The following INSR variants were observed in gnomAD, a reference collection of about 807,000 sequenced individuals.
INSR encodes the protein insulin receptor, also known as IR.
INSR carries 67 observed loss-of-function variants against 142.6 expected under a neutral mutation model. The ratio of observed to expected loss-of-function variants is 0.47; its 90% CI spans 0.39 to 0.58. INSR has a LOEUF of 0.58. Ranked by LOEUF, INSR falls within the 20% of genes least tolerant of loss-of-function variation. The pLI is 0.00. For synonymous variants in INSR, 756 were observed against 743.1 expected, an observed-to-expected ratio of 1.02 and a Z score of -0.28; for missense variants, 1,248 against 1,833.2, an observed-to-expected ratio of 0.68 and a Z score of 5.83.
At chr19:7,165,333 C>T (rs1973865908) in intron 8 of INSR, among the ~76,000 whole-genome samples, 2 of 151,680 alleles carry the variant, frequency 1.3e-5, no homozygotes, top group African/African-American at 4.8e-5. Context: ...TACTCCAGGC[C>T]AAAACAAACA....
chr19:7,259,751 G>A (rs563749531), intron 2 of INSR, among the ~76,000 whole-genome samples: 20 of 151,974 alleles, frequency 1.3e-4, no homozygotes, highest in South Asian at 4.2e-4. Flanking sequence ...CCCAGGAGGC[G>A]GAGGTTGCAG....
intron 2 of INSR, among the ~76,000 whole-genome samples, chr19:7,210,535 G>T (rs1389817556): frequency 6.6e-6 from 1 of 152,014 alleles, no homozygotes; most frequent in Non-Finnish European, 1.5e-5. Context: ...TGCGACTCCT[G>T]GAGGGGAACC....
At chr19:7,268,042 C>T (rs1600112236) in intron 1 of INSR, 146 bp from the exon 2 acceptor site, 3 of 720,094 alleles carry the variant, frequency 4.2e-6, no homozygotes, top group East Asian at 2.7e-5. Flanking sequence ...TGCAGCCAGC[C>T]GGGATGAGTA....
At chr19:7,178,297 C>G (rs1974191902) in intron 3 of INSR, among the ~76,000 whole-genome samples, 1 of 148,694 alleles carries the variant, frequency 6.7e-6, no homozygotes, top group Admixed American at 6.8e-5. Flanking sequence ...CCAGAAAGAA[C>G]AACCCTGTGA....
At chr19:7,279,901 G>A (rs1381735568) in intron 1 of INSR, among the ~76,000 whole-genome samples, 4 of 151,810 alleles carry the variant, frequency 2.6e-5, no homozygotes. Context: ...CTGGGAGGTG[G>A]AGATTGCGGA....
intron 2 of INSR, among the ~76,000 whole-genome samples, chr19:7,219,426 T>C (rs1022455486): frequency 3.9e-5 from 5 of 129,754 alleles, no homozygotes; most frequent in East Asian, 2.2e-4. Flanking sequence ...TTTGTGAGAA[T>C]AGAAAGCTCA....
At chr19:7,255,885 T>A (rs1188060266) in intron 2 of INSR, among the ~76,000 whole-genome samples, 4 of 152,070 alleles carry the variant, frequency 2.6e-5, no homozygotes, top group Non-Finnish European at 4.4e-5. Context: ...AACCTCATCT[T>A]CTTTCTTTGT....
intron 2 of INSR, among the ~76,000 whole-genome samples, chr19:7,224,139 T>TC (rs1438802437): frequency 6.6e-6 from 1 of 151,922 alleles, no homozygotes; most frequent in African/African-American, 2.4e-5. Context: ...AGACGGGGTT[T>TC]CACCACGTTG....
chr19:7,270,104 C>T (rs188267417), intron 1 of INSR, among the ~76,000 whole-genome samples: 1 of 152,064 alleles, frequency 6.6e-6, no homozygotes, highest in Non-Finnish European at 1.5e-5. Flanking sequence ...TGTCCAACAC[C>T]ACGCCCAGCT....
At chr19:7,219,461 A>C (rs1975531276) in intron 2 of INSR, among the ~76,000 whole-genome samples, 1 of 81,986 alleles carries the variant, frequency 1.2e-5, no homozygotes, top group South Asian at 3.7e-4. Flanking sequence ...AAGAAGAGAG[A>C]GAGAGAGAGA....
intron 2 of INSR, among the ~76,000 whole-genome samples, chr19:7,243,234 GTTTTTTTTTTTTTTT>G (rs1161289283): frequency 2.9e-5 from 2 of 68,178 alleles, no homozygotes; most frequent in Non-Finnish European, 2.5e-5. Context: ...CACTGTTTTG[GTTTTTTTTTTTTTTT>G]TTTTTTTTTT....
chr19:7,244,562 GA>G (rs1248716894), intron 2 of INSR, among the ~76,000 whole-genome samples: 1 of 145,498 alleles, frequency 6.9e-6, no homozygotes, highest in Non-Finnish European at 1.5e-5. Context: ...TGAGCAAATG[GA>G]AAAGGAGATC....
At chr19:7,161,665 T>A (rs865903155) in intron 9 of INSR, among the ~76,000 whole-genome samples, 1 of 152,178 alleles carries the variant, frequency 6.6e-6, no homozygotes, top group Non-Finnish European at 1.5e-5. Flanking sequence ...ACTTTGTCAA[T>A]AACCATTAGT....
intron 2 of INSR, among the ~76,000 whole-genome samples, chr19:7,202,988 G>GTT (rs1385976583): frequency 1.8e-5 from 2 of 108,280 alleles, no homozygotes; most frequent in African/African-American, 3.9e-5. Flanking sequence ...TTGGGGTGGG[G>GTT]TTTTGTTGTT....
chr19:7,214,302 C>G (rs543540563), intron 2 of INSR, among the ~76,000 whole-genome samples: 3 of 152,160 alleles, frequency 2.0e-5, no homozygotes, highest in South Asian at 2.1e-4. Context: ...CTTATTCCCC[C>G]CTGTGCTGGC....
rs750676016 is a variant in INSR, at chr19:7,170,587, C to A, written c.1433G>T (p.Arg478Leu). Residue 478 changes from arginine (R) to leucine (L), a missense_variant, in exon 6 of 22, where the codon CGC becomes CTC. Around this residue, in one of 3 missense-constraint regions of INSR, gnomAD observed 1,069 missense variants for 1,654.0 expected, o/e 0.65. Coordinates refer to ENST00000302850, the MANE Select transcript of INSR (RefSeq NM_000208.4). ...CAGGGCAATGTCGTTTCTCTCCTGG[C>A]GCCCCTTGGTTCCTGAAACTTCTTC... ...KMEEVSGTKGRQERNDIALKT... is the reference protein window; with the variant it reads ...KMEEVSGTKGLQERNDIALKT... 6 of 1,613,640 alleles carry A rather than the reference C, an allele frequency of 3.7e-6. No individual in the cohort carries two copies. Among genetic ancestry groups the A allele is most frequent in the Non-Finnish European group, 5.1e-6 (6 of 1,179,904 alleles).
In INSR at chr19:7,168,255, G is replaced by A. The variant is rs778104033; in HGVS notation, c.1484-161C>T. Reference sequence around the variant, plus strand: ...CCATGTGCCTGGCTGAGTATGAATGGGGGAAGATTCAAAGGTAAGAGCCAG... The same window carrying A: ...CCATGTGCCTGGCTGAGTATGAATGAGGGAAGATTCAAAGGTAAGAGCCAG... On this transcript the variant is annotated intron_variant, in intron 6 of 21. Transcript: ENST00000302850. This position sits in a 1 kb window ranked among gnomAD's most constrained non-coding sequence, Gnocchi z 4.3. Among the ~76,000 whole-genome samples, 1 of 152,122 alleles carries A rather than the reference G, an allele frequency of 6.6e-6. No individual in the cohort carries two copies. Among genetic ancestry groups the A allele is most frequent in the Non-Finnish European group, 1.5e-5 (1 of 68,028 alleles).
At chr19:7,167,725 G>A (rs1393380021) in intron 7 of INSR, among the ~76,000 whole-genome samples, 1 of 152,122 alleles carries the variant, frequency 6.6e-6, no homozygotes, top group African/African-American at 2.4e-5. Flanking sequence ...CCAGGAAACT[G>A]GCCAGTCCGG....
intron 2 of INSR, among the ~76,000 whole-genome samples, chr19:7,208,020 T>C (rs1431591381): frequency 6.6e-6 from 1 of 152,006 alleles, no homozygotes; most frequent in Non-Finnish European, 1.5e-5. Flanking sequence ...TGGAAAGGGA[T>C]TTGTGGTTAA....
Sources: gnomAD v4.1 joint callset for allele counts (sites outside exome capture counted in the v4.1 genomes callset) on GRCh38, gnomAD v4.1.1 for gene constraint, gnomAD v4.1.1 regional missense constraint, Gnocchi (gnomAD v3.1) non-coding constraint, MANE v1.5 for transcripts, NCBI Gene and HGNC (gene_info 2026-07-23, HGNC 2026-07-21) for gene names.